Variants in RNF121 observed in about 807,000 individuals in gnomAD.
RNF121 encodes E3 ubiquitin ligase RNF121.
A neutral mutation model predicts 46.5 loss-of-function variants in RNF121; 21 were observed. The observed-to-expected ratio is 0.45, with a 90% CI of 0.32 to 0.65. RNF121 has a LOEUF of 0.65. Ranked by LOEUF, RNF121 falls within the 30% of genes least tolerant of loss-of-function variation. RNF121 has a pLI of 0.04. For synonymous variants in RNF121, 139 were observed against 144.7 expected, an observed-to-expected ratio of 0.96 and a Z score of 0.28; for missense variants, 346 against 416.0, an observed-to-expected ratio of 0.83 and a Z score of 1.46.
intron 3 of RNF121, chr11:71,962,170 G>T (rs893748777): frequency 1.2e-5 from 2 of 172,442 alleles, no homozygotes; most frequent in African/African-American, 4.8e-5. Flanking sequence ...GGGTTTCACT[G>T]TGTTAGCCAG....
intron 4 of RNF121, among the ~76,000 whole-genome samples, chr11:71,986,751 A>G (rs1378714074): frequency 2.1e-5 from 3 of 143,808 alleles, no homozygotes; most frequent in Non-Finnish European, 3.0e-5. Flanking sequence ...CTTGGGTGAC[A>G]GAGCGAGACT....
At chr11:71,978,185 G>A (rs1249116401) in intron 3 of RNF121, 1 of 452,058 alleles carries the variant, frequency 2.2e-6, no homozygotes, top group Non-Finnish European at 4.4e-6. Context: ...ACAGGAGTGA[G>A]CCACCATGCC....
intron 6 of RNF121, among the ~76,000 whole-genome samples, chr11:71,994,126 C>T (rs1252444599): frequency 6.6e-6 from 1 of 152,156 alleles, no homozygotes; most frequent in Non-Finnish European, 1.5e-5. Flanking sequence ...AGGCGTCAGC[C>T]ACCGCGCCCA....
chr11:71,972,130 A>G lies in RNF121; in HGVS notation c.244-10631A>G, dbSNP rs77713910. Among the ~76,000 whole-genome samples the G allele has an allele frequency of 6.8e-3, 1,031 of 152,294 alleles. 2 individuals are homozygous for G. The highest frequency in any genetic ancestry group is 0.016 in the African/African-American group (650 of 41,576). ...TGAGTGGAAAAACTAAGAAACAGAA[A>G]GATGTGTAACACAATGCCAATTAAT... On this transcript the variant is annotated intron_variant, in intron 3 of 8. Coordinates refer to ENST00000361756, the MANE Select transcript of RNF121 (RefSeq NM_018320.5).
intron 1 of RNF121, among the ~76,000 whole-genome samples, chr11:71,948,380 G>T (rs1454799495): frequency 6.6e-6 from 1 of 151,802 alleles, no homozygotes; most frequent in African/African-American, 2.4e-5. Context: ...GCCGGGCGTG[G>T]TGGCTGCACT....
At chr11:71,957,293 C>G (rs1954009140) in intron 2 of RNF121, 29 bp downstream of exon 2, 3 of 1,441,308 alleles carry the variant, frequency 2.1e-6, no homozygotes, top group Non-Finnish European at 2.9e-6. Flanking sequence ...GCCCTGCAGT[C>G]TAGGAACTGC....
chr11:71,994,489 G>C (rs1043546915), intron 6 of RNF121, among the ~76,000 whole-genome samples: 2 of 151,888 alleles, frequency 1.3e-5, no homozygotes, highest in Admixed American at 6.6e-5. Flanking sequence ...CTTCCCAACT[G>C]TCTCTAGTCT....
chr11:71,931,648 G>A (rs529758543), intron 1 of RNF121, among the ~76,000 whole-genome samples: 1 of 152,248 alleles, frequency 6.6e-6, no homozygotes, highest in South Asian at 2.1e-4. Context: ...GAAGAGACAT[G>A]CAAATAGCGT....
intron 3 of RNF121, among the ~76,000 whole-genome samples, chr11:71,971,567 C>T (rs3915628): frequency 0.011 from 1,740 of 151,742 alleles, 15 homozygotes; most frequent in Middle Eastern, 0.065. Context: ...AATATTTATC[C>T]AGAGAAACTC....
intron 3 of RNF121, among the ~76,000 whole-genome samples, chr11:71,963,018 A>G (rs1254065944): frequency 6.6e-6 from 1 of 151,982 alleles, no homozygotes; most frequent in Admixed American, 6.6e-5. Context: ...TTCCTTAGAG[A>G]AATGTTTGTT....
At chr11:71,967,870 A>G (rs1954323935) in intron 3 of RNF121, among the ~76,000 whole-genome samples, 2 of 152,184 alleles carry the variant, frequency 1.3e-5, no homozygotes, top group Non-Finnish European at 2.9e-5. Flanking sequence ...AGCTTGAGCC[A>G]TATGATATAT....
chr11:71,961,671 C>T (rs958249504), intron 3 of RNF121, among the ~76,000 whole-genome samples: 1 of 152,212 alleles, frequency 6.6e-6, no homozygotes, highest in African/African-American at 2.4e-5. Context: ...CCAGTAATCA[C>T]TTTAAATATA....
intron 7 of RNF121, 73 bp downstream of exon 7, chr11:71,994,925 T>C: frequency 6.3e-7 from 1 of 1,597,654 alleles, no homozygotes; most frequent in Non-Finnish European, 8.6e-7. Flanking sequence ...AGAAAGAGGG[T>C]GGTCATGACC....
At chr11:71,960,989 G>A (rs1954118161) in intron 3 of RNF121, 98 bp downstream of exon 3, 1 of 1,349,956 alleles carries the variant, frequency 7.4e-7, no homozygotes, top group South Asian at 1.3e-5. Flanking sequence ...CATGGAGGTG[G>A]AGAAAGACAA....
chr11:71,977,934 G>A (rs79360732), intron 3 of RNF121, among the ~76,000 whole-genome samples: 4,001 of 152,300 alleles, frequency 0.026, 167 homozygotes, highest in African/African-American at 0.092. Flanking sequence ...ATGTTGCCAC[G>A]AGATGGCACT....
intron 3 of RNF121, among the ~76,000 whole-genome samples, chr11:71,974,839 A>G (rs1954495147): frequency 1.3e-5 from 2 of 152,200 alleles, no homozygotes; most frequent in African/African-American, 4.8e-5. Flanking sequence ...ATTGGTAGGC[A>G]GCTTAAGAGA....
intron 3 of RNF121, among the ~76,000 whole-genome samples, chr11:71,977,504 CT>C (rs1453885446): frequency 1.3e-5 from 2 of 152,230 alleles, no homozygotes; most frequent in Admixed American, 6.5e-5. Context: ...CTGTTAGCAT[CT>C]AACATCGTCA....
At chr11:71,976,008 G>A (rs1483543117) in intron 3 of RNF121, among the ~76,000 whole-genome samples, 2 of 152,188 alleles carry the variant, frequency 1.3e-5, no homozygotes, top group Non-Finnish European at 2.9e-5. Context: ...AGAGTGTCCA[G>A]TAATGTGTAG....
chr11:71,996,138 G>A, intron 8 of RNF121, 57 bp from the exon 9 acceptor site: 2 of 1,605,830 alleles, frequency 1.2e-6, no homozygotes, highest in South Asian at 1.1e-5. Context: ...CACCACCCAT[G>A]CTAGATCACT....
Sources: gnomAD v4.1 joint callset for allele counts (sites outside exome capture counted in the v4.1 genomes callset) on GRCh38, gnomAD v4.1.1 for gene constraint, MANE v1.5 for transcripts, NCBI Gene and HGNC (gene_info 2026-07-23, HGNC 2026-07-21) for gene names.